Variants in GRID2 observed in about 807,000 individuals in gnomAD.
GRID2 encodes the protein glutamate ionotropic receptor delta type subunit 2.
GRID2 carries 33 observed loss-of-function variants against 114.8 expected under a neutral mutation model. The ratio of observed to expected loss-of-function variants is 0.29; its 90% CI spans 0.22 to 0.38. GRID2 has a LOEUF of 0.38. Ranked by LOEUF, GRID2 falls within the 10% of genes least tolerant of loss-of-function variation. GRID2 has a pLI of 1.00. For synonymous variants in GRID2, 505 were observed against 449.9 expected (o/e 1.12, Z -1.55); for missense variants, 1,184 against 1,257.7 (o/e 0.94, Z 0.89).
At chr4:93,255,842 C>T (rs1484298632) in intron 8 of GRID2, among the ~76,000 whole-genome samples, 1 of 152,000 alleles carries the variant, frequency 6.6e-6, no homozygotes, top group East Asian at 1.9e-4. Flanking sequence ...TTATAAATTA[C>T]CCAGTCTCAG....
chr4:93,415,431 C>T (rs1352575670), intron 9 of GRID2, among the ~76,000 whole-genome samples: 1 of 152,034 alleles, frequency 6.6e-6, no homozygotes. Context: ...TATTATCCAG[C>T]ACTCATACTC....
At chr4:93,112,488 A>G (rs1048141556) in intron 4 of GRID2, among the ~76,000 whole-genome samples, 3 of 151,290 alleles carry the variant, frequency 2.0e-5, no homozygotes, top group African/African-American at 4.9e-5. Context: ...CTGCGCTCTG[A>G]CTCTCTCCTG....
chr4:93,474,429 T>C lies in GRID2; in HGVS notation c.1859-16210T>C, dbSNP rs76594591. ...GCTTTTTAGAATCATCTAAATAACT[T>C]GGTCTAAGTAAATTATTTCCAACTC... On this transcript the variant is annotated intron_variant, in intron 11 of 15. Coordinates refer to ENST00000282020, the MANE Select transcript of GRID2 (RefSeq NM_001510.4). Among the ~76,000 whole-genome samples the C allele has an allele frequency of 4.4e-3, 668 of 152,284 alleles. 36 individuals are homozygous for C. In the East Asian group the frequency reaches 0.11, roughly 24 times the overall value.
chr4:93,084,509 G>A (rs1578943065), intron 2 of GRID2, among the ~76,000 whole-genome samples: 2 of 152,116 alleles, frequency 1.3e-5, no homozygotes, highest in South Asian at 4.1e-4. Context: ...GGCCAGAAAT[G>A]CTTTTCTCCA....
intron 4 of GRID2, among the ~76,000 whole-genome samples, chr4:93,194,322 G>T (rs758205842): frequency 2.0e-5 from 3 of 152,124 alleles, no homozygotes; most frequent in Admixed American, 2.0e-4. Context: ...TTTGTGCAAA[G>T]CTATAATTTG....
chr4:92,846,610 T>G (rs1743343678), intron 2 of GRID2, among the ~76,000 whole-genome samples: 1 of 152,130 alleles, frequency 6.6e-6, no homozygotes, highest in Non-Finnish European at 1.5e-5. Context: ...CTTGGACTCC[T>G]GTGCTCCTCT....
At chr4:93,136,513 AC>A (rs1302971426) in intron 4 of GRID2, among the ~76,000 whole-genome samples, 4 of 152,186 alleles carry the variant, frequency 2.6e-5, no homozygotes, top group Non-Finnish European at 5.9e-5. Context: ...ATTTCATTTA[AC>A]CTTTAAGTTT....
At chr4:92,844,622 T>C (rs1358258125) in intron 2 of GRID2, among the ~76,000 whole-genome samples, 1 of 150,712 alleles carries the variant, frequency 6.6e-6, no homozygotes, top group Non-Finnish European at 1.5e-5. Context: ...GCCTTTCTTG[T>C]GTCATGTCCT....
At position 93,309,564 on chromosome 4, in the gene GRID2, A is replaced by T. The variant is rs544170963; in HGVS notation, c.1245+71074A>T. On this transcript the variant is annotated intron_variant, in intron 8 of 15. Transcript: ENST00000282020. ...AAAAATAATAATAATAATAATAATA[A>T]ATAAAAAAGAAGAAGAATTAATGAA... Among the ~76,000 whole-genome samples, 27 of 151,688 alleles carry T rather than the reference A, an allele frequency of 1.8e-4. No homozygotes were observed. In the South Asian group the frequency reaches 5.6e-3, roughly 32 times the overall value.
At chr4:92,453,569 A>G (rs1274226009) in intron 1 of GRID2, among the ~76,000 whole-genome samples, 1 of 152,196 alleles carries the variant, frequency 6.6e-6, no homozygotes, top group Admixed American at 6.5e-5. Context: ...ACTCTTATGC[A>G]TATAAAGTTA....
intron 2 of GRID2, among the ~76,000 whole-genome samples, chr4:92,756,467 G>A (rs1357925400): frequency 6.6e-6 from 1 of 152,092 alleles, no homozygotes; most frequent in African/African-American, 2.4e-5. Flanking sequence ...ATGTAGTAGT[G>A]AGATTATTCA....
At chr4:92,677,931 A>T (rs1261657909) in intron 2 of GRID2, among the ~76,000 whole-genome samples, 1 of 151,974 alleles carries the variant, frequency 6.6e-6, no homozygotes, top group East Asian at 1.9e-4. Flanking sequence ...AATTCATTTG[A>T]TTCCCTTTCT....
At chr4:93,753,301 C>T (rs1019487834) in intron 14 of GRID2, among the ~76,000 whole-genome samples, 14 of 152,162 alleles carry the variant, frequency 9.2e-5, no homozygotes, top group Admixed American at 3.9e-4. Flanking sequence ...GAGATGTTCT[C>T]CCCAGTACCA....
chr4:92,915,154 A>C (rs897373138), intron 2 of GRID2, among the ~76,000 whole-genome samples: 5 of 152,160 alleles, frequency 3.3e-5, no homozygotes, highest in Non-Finnish European at 7.4e-5. Context: ...AGATCTCATG[A>C]GAACTTACTC....
chr4:93,006,398 C>A (rs1721529483), intron 2 of GRID2, among the ~76,000 whole-genome samples: 1 of 151,628 alleles, frequency 6.6e-6, no homozygotes, highest in South Asian at 2.1e-4. Flanking sequence ...GAGAATAGGT[C>A]TAAGGAAATA....
intron 2 of GRID2, among the ~76,000 whole-genome samples, chr4:92,679,496 G>A (rs966092561): frequency 2.6e-5 from 4 of 151,782 alleles, no homozygotes; most frequent in African/African-American, 9.7e-5. Context: ...AAGAAATCAG[G>A]TACTAAAAAT....
At chr4:92,540,165 C>A (rs904044203) in intron 1 of GRID2, among the ~76,000 whole-genome samples, 5 of 151,994 alleles carry the variant, frequency 3.3e-5, no homozygotes, top group Admixed American at 2.6e-4. Flanking sequence ...TTAAAGACTT[C>A]AATGTTAGAC....
chr4:93,562,799 CTATTG>C (rs1320998436), intron 13 of GRID2, among the ~76,000 whole-genome samples: 3 of 152,004 alleles, frequency 2.0e-5, no homozygotes, highest in Non-Finnish European at 4.4e-5. Flanking sequence ...TATCTTTTCT[CTATTG>C]TATTGCCTTT....
At chr4:93,784,856 A>ATAC (rs1272398516) in intron 1 of GRID2, among the ~76,000 whole-genome samples, 7 of 152,194 alleles carry the variant, frequency 4.6e-5, no homozygotes, top group African/African-American at 1.7e-4. Context: ...TTTTACAGAA[A>ATAC]TACAGCTATA....
Sources: gnomAD v4.1 joint callset for allele counts (sites outside exome capture counted in the v4.1 genomes callset) on GRCh38, gnomAD v4.1.1 for gene constraint, MANE v1.5 for transcripts, NCBI Gene and HGNC (gene_info 2026-07-23, HGNC 2026-07-21) for gene names.